The following SLC34A2 variants were observed in gnomAD, a reference collection of about 807,000 sequenced individuals.
The protein encoded by SLC34A2 is solute carrier family 34 member 2.
Under a neutral mutation model 50.8 loss-of-function variants are expected in SLC34A2, and 41 were observed. The observed-to-expected ratio is 0.81, with a 90% CI of 0.63 to 1.05. The LOEUF is 1.05. Among genes scored for constraint, SLC34A2 ranks in the 50% least tolerant of loss-of-function variants. The probability of loss-of-function intolerance (pLI) is 0.00; values close to 1 mark genes in which losing one functional copy is unlikely to be tolerated. For synonymous variants in SLC34A2, 401 were observed against 364.2 expected (o/e 1.10, Z -1.15); for missense variants, 879 against 876.7 (o/e 1.00, Z -0.03).
intron 1 of SLC34A2, among the ~76,000 whole-genome samples, chr4:25,661,483 G>A (rs891265833): frequency 6.6e-6 from 1 of 152,114 alleles, no homozygotes; most frequent in South Asian, 2.1e-4. Flanking sequence ...CGCCTCCCAG[G>A]TTCAAGCAAT....
At position 25,669,756 on chromosome 4, in the gene SLC34A2, G is replaced by A. The variant is rs776889430; in HGVS notation, c.745G>A (p.Val249Met). The change falls in exon 7 of 13, where the codon GTG becomes ATG. Residue 249 changes from valine to methionine, a missense_variant. Transcript: ENST00000382051. ...HYLEIITQLIVESFHFKNGED... is the reference protein window; with the variant it reads ...HYLEIITQLIMESFHFKNGED... Reference sequence around the variant, plus strand: ...CCTCGAGATCATAACCCAGCTTATAGTGGAGAGCTTCCACTTCAAGAATGG... The same window carrying A: ...CCTCGAGATCATAACCCAGCTTATAATGGAGAGCTTCCACTTCAAGAATGG... 3.7e-6 allele frequency: 6 copies of A among 1,614,046 alleles called. No homozygotes were observed. In the African/African-American group the frequency reaches 6.7e-5, roughly 18 times the overall value.
At position 25,662,604 on chromosome 4, in the gene SLC34A2, C is replaced by A. The variant is rs1238534614; in HGVS notation, c.104C>A (p.Thr35Asn). The A allele has an allele frequency of 6.2e-7, 1 of 1,614,004 alleles. No homozygotes were observed. Among genetic ancestry groups the A allele is most frequent in the Non-Finnish European group, 8.5e-7 (1 of 1,180,030 alleles). Residue 35 changes from threonine to asparagine, a missense_variant, in exon 2 of 13, where the codon ACC becomes AAC. Thr to Asn is a moderately conservative substitution (Grantham distance 65). Transcript: ENST00000382051. Reference sequence around the variant, plus strand: ...ACTGCCCCTGATAAAAGCAAAGAGACCAACAAAAGTAAGTGTCGCTCGTTT... The same window carrying A: ...ACTGCCCCTGATAAAAGCAAAGAGAACAACAAAAGTAAGTGTCGCTCGTTT... ...QPTAPDKSKE[T>N]NKTDNTEAPV...
intron 4 of SLC34A2, chr4:25,665,125 A>T: frequency 5.0e-6 from 1 of 198,902 alleles, no homozygotes; most frequent in Non-Finnish European, 1.0e-5. Context: ...GTGGGCATTC[A>T]TGGGAGAGCA....
In SLC34A2 at chr4:25,666,087, C is replaced by T. The variant is rs143669086; in HGVS notation, c.380-41C>T. On this transcript the variant is annotated intron_variant, in intron 4 of 12. Coordinates refer to ENST00000382051, the MANE Select transcript of SLC34A2 (RefSeq NM_006424.3). ...CAGTGCCCACCTAATCCCCCTCGAT[C>T]ACGTTGTGATTGTTTTTGTTTGTTT... The T allele has an allele frequency of 1.0e-4, 165 of 1,608,364 alleles. No individual in the cohort carries two copies. The East Asian group carries it at 1.9e-3, about 19-fold the overall frequency.
chr4:25,673,330 C>T (rs1277055278), intron 10 of SLC34A2, 76 bp downstream of exon 10: 8 of 1,325,472 alleles, frequency 6.0e-6, no homozygotes, highest in East Asian at 2.3e-5. Context: ...AGATTCCCAT[C>T]TAGCAATGGC....
Position 25,676,203 on chromosome 4 carries a change from C to G in SLC34A2, c.1527C>G (p.Arg509=), listed in dbSNP as rs780054519. ...TGTGGTACCCGATCCCGTTCACTCG[C>G]CTGCCCATCCGCATGGCCAAGGGGC... ...ILLWYPIPFT[R]LPIRMAKGLG... Residue 509 remains arginine (R), a synonymous_variant, in exon 13 of 13, where the codon CGC becomes CGG. Coordinates refer to ENST00000382051, the MANE Select transcript of SLC34A2 (RefSeq NM_006424.3). 1 of 1,614,238 alleles carries G rather than the reference C, an allele frequency of 6.2e-7. No homozygotes were observed. Among genetic ancestry groups the G allele is most frequent in the Non-Finnish European group, 8.5e-7 (1 of 1,180,034 alleles).
chr4:25,666,074 A>T (rs1406089915), intron 4 of SLC34A2, 54 bp from the exon 5 acceptor site: 1 of 1,604,348 alleles, frequency 6.2e-7, no homozygotes, highest in Non-Finnish European at 8.5e-7. Context: ...GTGCCCACCT[A>T]ATCCCCCTCG....
rs566170283 is a variant in SLC34A2, at chr4:25,669,653, T to C, written c.642T>C (p.Phe214=). 6 of 1,613,922 alleles carry C rather than the reference T, an allele frequency of 3.7e-6. No individual in the cohort carries two copies. In the Middle Eastern group the frequency reaches 5.1e-4, roughly 138 times the overall value. ...CGGGGTTTCCCTCCCATAGAGCTTT[T>C]GCAGGAGCCACTGTCCATGACTTCT... ...VGDRSEFRRA[F]AGATVHDFFN... Residue 214 remains phenylalanine, a synonymous_variant, in exon 7 of 13, where the codon TTT becomes TTC. Coordinates refer to ENST00000382051, the MANE Select transcript of SLC34A2 (RefSeq NM_006424.3).
chr4:25,668,487 C>G (rs778130219), intron 6 of SLC34A2, among the ~76,000 whole-genome samples: 2 of 151,944 alleles, frequency 1.3e-5, no homozygotes, highest in African/African-American at 4.8e-5. Flanking sequence ...TCTAAAAATA[C>G]AAAAATTAGC....
chr4:25,662,760 G>A lies in SLC34A2; in HGVS notation c.168G>A (p.Thr56=), dbSNP rs1666739952. The change falls in exon 3 of 13, where the codon ACG becomes ACA. Residue 56 remains threonine (T), a synonymous_variant. Transcript: ENST00000382051. ...TKIELLPSYS[T]ATLIDEPTEV... ...TTGAACTTCTGCCGTCCTACTCCAC[G>A]GCTACACTGATAGATGAGCCCACTG... The A allele has an allele frequency of 6.2e-7, 1 of 1,613,888 alleles. No homozygotes were observed. Among genetic ancestry groups the A allele is most frequent in the African/African-American group, 1.3e-5 (1 of 74,866 alleles).
chr4:25,666,184 G>A lies in SLC34A2; in HGVS notation c.436G>A (p.Gly146Arg), dbSNP rs1313059606. Residue 146 changes from glycine (G) to arginine (R), a missense_variant, in exon 5 of 13, where the codon GGG (glycine) becomes AGG (arginine). Gly to Arg is a moderately radical substitution (Grantham distance 125). Transcript: ENST00000382051. ...NSSIMSNPLL[G>R]LVIGVLVTVL... ...CTCTATTATGTCCAACCCTTTGTTG[G>A]GGCTGGTGATCGGGGTGCTGGTGAC... is the stretch of plus-strand genomic sequence containing the variant. 5 of 1,613,890 alleles carry A rather than the reference G, an allele frequency of 3.1e-6. No homozygotes were observed. Among genetic ancestry groups the A allele is most frequent in the Non-Finnish European group, 4.2e-6 (5 of 1,180,044 alleles).
intron 11 of SLC34A2, 29 bp downstream of exon 11, chr4:25,674,441 G>GCCAC (rs1715000200): frequency 6.2e-7 from 1 of 1,614,122 alleles, no homozygotes; most frequent in African/African-American, 1.3e-5. Context: ...TCTCCCTCTG[G>GCCAC]CCACCACTGC....
intron 12 of SLC34A2, 122 bp from the exon 13 acceptor site, chr4:25,676,013 G>A: frequency 1.3e-6 from 2 of 1,485,412 alleles, no homozygotes; most frequent in African/African-American, 1.4e-5. Context: ...GGACAAAGAA[G>A]GCCTGGAAGG....
chr4:25,676,316 T>C lies in SLC34A2; in HGVS notation c.1640T>C (p.Leu547Pro), dbSNP rs368834147. The change falls in exon 13 of 13, where the codon CTC becomes CCC. Residue 547 changes from leucine to proline, a missense_variant. Leu to Pro is a moderately conservative substitution (Grantham distance 98). Transcript: ENST00000382051. ...FFLIPLTVFG[L>P]SLAGWRVLVG... ...CTGATCCCGCTGACGGTGTTTGGCCTCTCGCTGGCCGGCTGGCGGGTGCTG... is the reference window on the plus strand; with the variant it reads ...CTGATCCCGCTGACGGTGTTTGGCCCCTCGCTGGCCGGCTGGCGGGTGCTG... 5 of 1,614,068 alleles carry C rather than the reference T, an allele frequency of 3.1e-6. No individual in the cohort carries two copies. The African/African-American group carries it at 6.7e-5, about 22-fold the overall frequency.
chr4:25,670,700 A>C, intron 7 of SLC34A2, 38 bp from the exon 8 acceptor site: 1 of 1,527,152 alleles, frequency 6.5e-7, no homozygotes, highest in Non-Finnish European at 9.1e-7. Flanking sequence ...ATCGGTTCTG[A>C]GGATATGCTG....
At position 25,676,299 on chromosome 4, in the gene SLC34A2, G is replaced by T; in HGVS notation, c.1623G>T (p.Pro541=). Residue 541 remains proline, a synonymous_variant, in exon 13 of 13, where the codon CCG becomes CCT. Coordinates refer to ENST00000382051, the MANE Select transcript of SLC34A2 (RefSeq NM_006424.3). ...TGATCATCTTCTTCTTCCTGATCCC[G>T]CTGACGGTGTTTGGCCTCTCGCTGG... The part of the protein sequence containing the change: ...FYLIIFFFLI[P]LTVFGLSLAG... The T allele has an allele frequency of 2.5e-6, 4 of 1,614,138 alleles. No homozygotes were observed. The highest frequency in any genetic ancestry group is 3.4e-6 in the Non-Finnish European group (4 of 1,180,044).
chr4:25,675,564 A>T (rs1392907199), intron 12 of SLC34A2, among the ~76,000 whole-genome samples: 7 of 152,246 alleles, frequency 4.6e-5, no homozygotes, highest in Non-Finnish European at 8.8e-5. Context: ...ATACATTTTT[A>T]AAAGTAGAAA....
chr4:25,658,023 G>A (rs549330648), intron 1 of SLC34A2, among the ~76,000 whole-genome samples: 1 of 152,130 alleles, frequency 6.6e-6, no homozygotes, highest in Non-Finnish European at 1.5e-5. Flanking sequence ...TGGGCATCCC[G>A]AGAACACTGG....
chr4:25,666,062 C>T (rs2109052733), intron 4 of SLC34A2, 66 bp from the exon 5 acceptor site: 1 of 1,595,382 alleles, frequency 6.3e-7, no homozygotes, highest in South Asian at 1.1e-5. Context: ...TCTGTTTACT[C>T]AGTGCCCACC....
Sources: allele counts gnomAD v4.1 joint callset (sites outside exome capture counted in the v4.1 genomes callset), GRCh38; gene constraint gnomAD v4.1.1; transcripts MANE v1.5; gene names NCBI Gene and HGNC (gene_info 2026-07-23, HGNC 2026-07-21).